The following RBL1 variants were observed in gnomAD, a reference collection of about 807,000 sequenced individuals.
The protein encoded by RBL1 is retinoblastoma-like protein 1.
Under a neutral mutation model 123.0 loss-of-function variants are expected in RBL1, and 82 were observed. The ratio of observed to expected loss-of-function variants is 0.67; its 90% confidence interval spans 0.56 to 0.80. RBL1 has a LOEUF of 0.80. RBL1 is among the 30% of genes least tolerant of loss of function. The pLI is 0.00. For missense variants in RBL1, 1,171 were observed against 1,299.6 expected (o/e 0.90, Z 1.52); for synonymous variants, 405 against 441.3 (o/e 0.92, Z 1.03).
chr20:37,009,122 T>TCC (rs2064116059), intron 19 of RBL1, among the ~76,000 whole-genome samples: 1 of 152,084 alleles, frequency 6.6e-6, no homozygotes, highest in African/African-American at 2.4e-5. Context: ...CCCGCTGGGA[T>TCC]CCAGCGACTC....
intron 19 of RBL1, among the ~76,000 whole-genome samples, chr20:37,016,372 A>C (rs903629893): frequency 5.3e-5 from 8 of 152,006 alleles, no homozygotes; most frequent in Non-Finnish European, 7.4e-5. Flanking sequence ...AAAAGGCTCC[A>C]GAATAATACA....
At chr20:37,059,301 T>A (rs1282806598) in intron 9 of RBL1, among the ~76,000 whole-genome samples, 1 of 152,224 alleles carries the variant, frequency 6.6e-6, no homozygotes, top group Non-Finnish European at 1.5e-5. Context: ...GTTTGAGGAA[T>A]GGGGGAGAGC....
chr20:37,041,739 G>A (rs2064731792), intron 13 of RBL1, among the ~76,000 whole-genome samples: 1 of 152,068 alleles, frequency 6.6e-6, no homozygotes, highest in Non-Finnish European at 1.5e-5. Flanking sequence ...TCAAAAAGCA[G>A]AAGCAAAAGA....
intron 13 of RBL1, among the ~76,000 whole-genome samples, chr20:37,043,299 C>T (rs1168242165): frequency 6.6e-6 from 1 of 151,794 alleles, no homozygotes; most frequent in Non-Finnish European, 1.5e-5. Context: ...ACAGCCTGGA[C>T]AAGATGGTGA....
intron 20 of RBL1, 116 bp from the exon 21 acceptor site, chr20:37,003,982 C>A: frequency 7.4e-6 from 6 of 808,154 alleles, no homozygotes; most frequent in East Asian, 7.1e-5. Flanking sequence ...GTAAAAAGCT[C>A]ATTTATGGTT....
intron 1 of RBL1, among the ~76,000 whole-genome samples, chr20:37,091,094 C>T (rs183500564): frequency 5.6e-4 from 85 of 152,288 alleles, no homozygotes; most frequent in Non-Finnish European, 1.0e-3. Flanking sequence ...CGGTGGCTCA[C>T]GTCTGTAATC....
rs374934713 is a variant in RBL1 at position 37,072,392 on chromosome 20, CGGGAGGTGGAAGTTGCG to C, written c.291-4223_291-4207del. Among the ~76,000 whole-genome samples, 790 of 152,072 alleles carry C rather than the reference CGGGAGGTGGAAGTTGCG, an allele frequency of 5.2e-3. 11 individuals carry two copies. Among genetic ancestry groups the C allele is most frequent in the East Asian group, 0.033 (168 of 5,158 alleles). On this transcript the variant is annotated intron_variant, in intron 2 of 21. Transcript: ENST00000373664. The stretch of plus-strand genomic sequence containing the variant: ...CTGAGGCAGGAGAATTGCTTGAACC[CGGGAGGTGGAAGTTGCG>C]GGGAGGTGGAAGTTGCGGGGAGGCG...
intron 16 of RBL1, among the ~76,000 whole-genome samples, chr20:37,030,673 G>A (rs1159701703): frequency 3.3e-5 from 5 of 151,990 alleles, no homozygotes; most frequent in East Asian, 3.9e-4. Context: ...AAACCAGCAC[G>A]GTGAAACCTC....
At chr20:37,041,384 C>T (rs1362036993) in intron 13 of RBL1, among the ~76,000 whole-genome samples, 7 of 152,076 alleles carry the variant, frequency 4.6e-5, no homozygotes, top group African/African-American at 1.2e-4. Context: ...TGCAATGGCA[C>T]GATCTCAGCT....
intron 21 of RBL1, among the ~76,000 whole-genome samples, chr20:37,000,250 G>A (rs903195512): frequency 2.0e-4 from 30 of 149,074 alleles, no homozygotes; most frequent in African/African-American, 6.5e-4. Flanking sequence ...GAGCCCCTCC[G>A]CCCGGCAGCC....
At chr20:37,066,950 A>G in intron 5 of RBL1, 43 bp downstream of exon 5, 1 of 1,593,928 alleles carries the variant, frequency 6.3e-7, no homozygotes, top group Non-Finnish European at 8.6e-7. Flanking sequence ...ATCTTTTTCC[A>G]AAAACTGATA....
chr20:37,086,422 A>G (rs1433441468), intron 2 of RBL1, among the ~76,000 whole-genome samples: 2 of 152,064 alleles, frequency 1.3e-5, no homozygotes, highest in East Asian at 1.9e-4. Context: ...CCCTCTCCCT[A>G]TTAAAAATAT....
At chr20:37,037,682 T>TG (rs1001545974) in intron 14 of RBL1, among the ~76,000 whole-genome samples, 3 of 150,050 alleles carry the variant, frequency 2.0e-5, no homozygotes, top group African/African-American at 7.3e-5. Context: ...GCAATCTTGT[T>TG]TTTTTTTTTT....
chr20:37,011,096 A>T (rs1435045556), intron 19 of RBL1, among the ~76,000 whole-genome samples: 2 of 152,190 alleles, frequency 1.3e-5, no homozygotes, highest in Admixed American at 1.3e-4. Context: ...CTGGGATTAC[A>T]GGCATGAGCC....
At chr20:37,008,069 G>A (rs1383193638) in intron 19 of RBL1, among the ~76,000 whole-genome samples, 1 of 152,158 alleles carries the variant, frequency 6.6e-6, no homozygotes, top group Non-Finnish European at 1.5e-5. Context: ...AACTGAAGGT[G>A]GTGCTCTTTT....
At chr20:37,020,242 C>G (rs2064319703) in intron 18 of RBL1, among the ~76,000 whole-genome samples, 1 of 151,972 alleles carries the variant, frequency 6.6e-6, no homozygotes, top group Admixed American at 6.6e-5. Flanking sequence ...GCGTGTGACA[C>G]CACGCCTGGC....
rs1257634103 is a variant in RBL1, at chr20:36,996,830, T to G, written c.*1929A>C. Reference sequence around the variant, plus strand: ...TAACAATTATAGCAACATACAAATATGTACAAAGATTCCAGACAGACTTTG... The same window carrying G: ...TAACAATTATAGCAACATACAAATAGGTACAAAGATTCCAGACAGACTTTG... On this transcript the variant is annotated 3_prime_UTR_variant, in exon 22 of 22. Coordinates refer to ENST00000373664, the MANE Select transcript of RBL1 (RefSeq NM_002895.5). The G allele has an allele frequency of 6.6e-6, 1 of 152,236 alleles. No individual in the cohort carries two copies. Among genetic ancestry groups the G allele is most frequent in the African/African-American group, 2.4e-5 (1 of 41,458 alleles). The allele number at this position is 152,236 out of a possible 1,614,324, so 9.4% of individuals were successfully genotyped here. A position where few individuals can be genotyped will look rare whatever the true frequency, so the allele number is the denominator to read the frequency against.
In RBL1 at chr20:37,032,764, A is replaced by C. The variant is rs1269657928; in HGVS notation, c.2283T>G (p.Ala761=). The part of the protein sequence containing the change: ...VSLTAHSLIG[A]SPKQTNLTKA... ...TAGTCAGATTGGTCTGTTTTGGAGA[A>C]GCACCAATTAATGAATGAGCAGTAA... Residue 761 remains alanine, a synonymous_variant, in exon 16 of 22, where the codon GCT becomes GCG. Coordinates refer to ENST00000373664, the MANE Select transcript of RBL1 (RefSeq NM_002895.5). 1.2e-6 allele frequency: 2 copies of C among 1,613,954 alleles called. No homozygotes were observed. The highest frequency in any genetic ancestry group is 2.2e-5 in the East Asian group (1 of 44,856).
intron 13 of RBL1, among the ~76,000 whole-genome samples, chr20:37,043,291 A>T (rs1353956617): frequency 2.6e-5 from 4 of 151,972 alleles, no homozygotes; most frequent in Non-Finnish European, 5.9e-5. Flanking sequence ...GTTCAAGAAC[A>T]GCCTGGACAA....
Sources: gnomAD v4.1 joint callset for allele counts (sites outside exome capture counted in the v4.1 genomes callset) on GRCh38, gnomAD v4.1.1 for gene constraint, MANE v1.5 for transcripts, NCBI Gene and HGNC (gene_info 2026-07-23, HGNC 2026-07-21) for gene names.